Variants in TIAM1 observed in about 807,000 individuals in gnomAD.
TIAM1 encodes the protein TIAM Rac1 associated GEF 1, also known as rho guanine nucleotide exchange factor TIAM1.
In TIAM1, 65 loss-of-function variants were observed where a neutral mutation model predicts 163.5. The ratio of observed to expected loss-of-function variants is 0.40; its 90% CI spans 0.33 to 0.49. The LOEUF is 0.49. TIAM1 is among the 20% of genes least tolerant of loss of function. The pLI, the probability that TIAM1 is intolerant of heterozygous loss-of-function variation, is 0.77. For missense variants in TIAM1, 1,789 were observed against 2,044.7 expected (o/e 0.87, Z 2.41); for synonymous variants, 833 against 810.1 (o/e 1.03, Z -0.48).
chr21:31,435,029 A>G (rs2044164081), intron 2 of TIAM1, among the ~76,000 whole-genome samples: 1 of 152,246 alleles, frequency 6.6e-6, no homozygotes, highest in South Asian at 2.1e-4. Flanking sequence ...GTCTGAACAG[A>G]CTACGGAGAT....
At chr21:31,331,040 G>T (rs1291809645) in intron 2 of TIAM1, among the ~76,000 whole-genome samples, 1 of 151,994 alleles carries the variant, frequency 6.6e-6, no homozygotes, top group African/African-American at 2.4e-5. Context: ...CTTAGGCTAT[G>T]TTTTCCCAAC....
At chr21:31,238,807 C>A (rs1414886007) in intron 6 of TIAM1, among the ~76,000 whole-genome samples, 4 of 152,168 alleles carry the variant, frequency 2.6e-5, no homozygotes, top group African/African-American at 9.7e-5. Context: ...TATACTCAGA[C>A]AATAAAAGGC....
chr21:31,434,203 G>A (rs1203082906), intron 2 of TIAM1, among the ~76,000 whole-genome samples: 1 of 152,084 alleles, frequency 6.6e-6, no homozygotes, highest in Non-Finnish European at 1.5e-5. Flanking sequence ...GCAGTAACAA[G>A]GACCAGATTT....
In TIAM1 at chr21:31,229,568, G is replaced by A. The variant is rs1047980829; in HGVS notation, c.1585-3618C>T. 5.3e-5 allele frequency among the ~76,000 whole-genome samples: 8 copies of A among 152,048 alleles called. No homozygotes were observed. In the East Asian group the frequency reaches 1.2e-3, roughly 22 times the overall value. On this transcript the variant is annotated intron_variant, in intron 6 of 27. Coordinates refer to ENST00000541036, the MANE Select transcript of TIAM1 (RefSeq NM_001353694.2). The stretch of plus-strand genomic sequence containing the variant: ...GTACCTGATAAAAAGCTGGTTCCTT[G>A]ACCCGAAACATGCTTTCCATTTTGT...
chr21:31,405,691 G>C (rs962045173), intron 2 of TIAM1, among the ~76,000 whole-genome samples: 1 of 151,998 alleles, frequency 6.6e-6, no homozygotes, highest in South Asian at 2.1e-4. Context: ...GATCTCATGA[G>C]ACCCATTCAC....
chr21:31,332,870 C>T (rs1345755893), intron 2 of TIAM1, among the ~76,000 whole-genome samples: 3 of 151,940 alleles, frequency 2.0e-5, no homozygotes, highest in Non-Finnish European at 4.4e-5. Context: ...AACTAGATTC[C>T]TCTAAATATT....
intron 4 of TIAM1, among the ~76,000 whole-genome samples, chr21:31,258,729 C>G (rs1369465817): frequency 6.6e-6 from 1 of 151,744 alleles, no homozygotes; most frequent in Non-Finnish European, 1.5e-5. Flanking sequence ...GCAGGAGAAT[C>G]ACTTGAACCC....
chr21:31,153,167 GTGTTT>G (rs1489847901), intron 17 of TIAM1, 33 bp from the exon 18 acceptor site: 1 of 1,562,808 alleles, frequency 6.4e-7, no homozygotes, highest in African/African-American at 1.4e-5. Flanking sequence ...ATTAGCTTAT[GTGTTT>G]TATTTTTTAT....
At chr21:31,357,002 G>C (rs2076327129) in intron 2 of TIAM1, among the ~76,000 whole-genome samples, 1 of 152,134 alleles carries the variant, frequency 6.6e-6, no homozygotes, top group East Asian at 1.9e-4. Flanking sequence ...AAAGAGAAGT[G>C]TAGATTCCAT....
chr21:31,215,653 T>A (rs1222369931), intron 9 of TIAM1, among the ~76,000 whole-genome samples: 2 of 151,570 alleles, frequency 1.3e-5, no homozygotes, highest in Admixed American at 6.6e-5. Flanking sequence ...CCATCAAGTC[T>A]CTTTTGTTAT....
intron 2 of TIAM1, among the ~76,000 whole-genome samples, chr21:31,293,715 G>A (rs754228991): frequency 3.9e-5 from 6 of 152,284 alleles, no homozygotes; most frequent in Admixed American, 6.5e-5. Flanking sequence ...TGCGAAGAGC[G>A]GCAAGTCTTG....
intron 1 of TIAM1, among the ~76,000 whole-genome samples, chr21:31,471,897 T>TAATAA (rs1555993764): frequency 0.031 from 537 of 17,428 alleles, 2 homozygotes; most frequent in African/African-American, 0.12. Context: ...ATAATAATAA[T>TAATAA]AATAAAGGGA....
intron 19 of TIAM1, among the ~76,000 whole-genome samples, chr21:31,152,324 T>C (rs1191053116): frequency 2.0e-5 from 3 of 152,216 alleles, no homozygotes; most frequent in Non-Finnish European, 2.9e-5. Flanking sequence ...TGAGCCACCA[T>C]GCCCAGCCAG....
intron 1 of TIAM1, among the ~76,000 whole-genome samples, chr21:31,530,397 C>A (rs1400622570): frequency 6.6e-6 from 1 of 152,198 alleles, no homozygotes; most frequent in East Asian, 1.9e-4. Flanking sequence ...TGATGGAATT[C>A]CAAAAATCCC....
At chr21:31,370,318 T>C (rs1184437349) in intron 2 of TIAM1, among the ~76,000 whole-genome samples, 1 of 152,228 alleles carries the variant, frequency 6.6e-6, no homozygotes, top group Non-Finnish European at 1.5e-5. Flanking sequence ...AATATTGAGA[T>C]ACACAGGCAA....
intron 1 of TIAM1, among the ~76,000 whole-genome samples, chr21:31,535,172 G>C (rs1351462372): frequency 6.6e-6 from 1 of 151,794 alleles, no homozygotes; most frequent in Non-Finnish European, 1.5e-5. Context: ...CACAAGGTCA[G>C]GAGTTCGAGA....
At chr21:31,248,321 T>C (rs144560638) in intron 5 of TIAM1, among the ~76,000 whole-genome samples, 1 of 152,332 alleles carries the variant, frequency 6.6e-6, no homozygotes, top group Non-Finnish European at 1.5e-5. Flanking sequence ...TAACTGTTTG[T>C]ATAATTTTTC....
chr21:31,462,157 C>T (rs577613400), intron 2 of TIAM1, among the ~76,000 whole-genome samples: 27 of 152,300 alleles, frequency 1.8e-4, no homozygotes, highest in Admixed American at 1.4e-3. Context: ...CAAATAGTAA[C>T]GATCTCAGGC....
chr21:31,414,223 G>A (rs1742025907), intron 2 of TIAM1, among the ~76,000 whole-genome samples: 1 of 152,100 alleles, frequency 6.6e-6, no homozygotes, highest in Non-Finnish European at 1.5e-5. Context: ...CAAGCTAAGG[G>A]TCCCCATGTA....
Sources: gnomAD v4.1 joint callset for allele counts (sites outside exome capture counted in the v4.1 genomes callset) on GRCh38, gnomAD v4.1.1 for gene constraint, MANE v1.5 for transcripts, NCBI Gene and HGNC (gene_info 2026-07-23, HGNC 2026-07-21) for gene names.